IL1RAPL2: variants seen among roughly 807,000 people sequenced by gnomAD.
IL1RAPL2 encodes interleukin 1 receptor accessory protein like 2.
A neutral mutation model predicts 44.1 loss-of-function variants in IL1RAPL2; 3 were observed. The ratio of observed to expected loss-of-function variants is 0.07; its 90% CI spans 0.03 to 0.18. The LOEUF (loss-of-function observed/expected upper bound fraction) is 0.18. Among genes scored for constraint, IL1RAPL2 ranks in the 10% least tolerant of loss-of-function variants. The pLI is 1.00. For synonymous variants in IL1RAPL2, 181 were observed against 178.8 expected (o/e 1.01, Z -0.10); for missense variants, 391 against 496.4 (o/e 0.79, Z 2.02).
intron 2 of IL1RAPL2, among the ~76,000 whole-genome samples, chrX:104,894,548 A>C (rs995254164): frequency 2.7e-5 from 3 of 111,495 alleles, no homozygotes; most frequent in African/African-American, 9.8e-5. Flanking sequence ...ATCTTCCATC[A>C]CTGATATCTT....
chrX:105,689,417 C>A (rs971478033), intron 6 of IL1RAPL2, among the ~76,000 whole-genome samples: 9 of 112,113 alleles, frequency 8.0e-5, no homozygotes, highest in African/African-American at 2.9e-4. Flanking sequence ...AGGATATGAA[C>A]AGACACTTCT....
intron 2 of IL1RAPL2, among the ~76,000 whole-genome samples, chrX:104,965,545 C>T (rs2030102789): frequency 1.8e-5 from 2 of 111,064 alleles, no homozygotes; most frequent in Admixed American, 9.6e-5. Flanking sequence ...CATAGAGCCC[C>T]CATGAACATA....
chrX:104,944,117 A>G (rs933958227), intron 2 of IL1RAPL2, among the ~76,000 whole-genome samples: 3 of 111,449 alleles, frequency 2.7e-5, no homozygotes, highest in African/African-American at 9.8e-5. Context: ...GACAATCACC[A>G]AGTAGCTGTT....
At chrX:105,473,034 C>A (rs962456045) in intron 5 of IL1RAPL2, among the ~76,000 whole-genome samples, 9 of 111,324 alleles carry the variant, frequency 8.1e-5, no homozygotes, top group Non-Finnish European at 1.5e-4. Flanking sequence ...ATTTCCTCAA[C>A]CACAACAACA....
chrX:105,059,504 G>C (rs1380544048), intron 2 of IL1RAPL2, among the ~76,000 whole-genome samples: 1 of 111,978 alleles, frequency 8.9e-6, no homozygotes, highest in East Asian at 2.8e-4. Context: ...AGATGTACCA[G>C]ATGTGCCAAA....
chrX:105,217,256 A>G (rs1335573625), intron 3 of IL1RAPL2, among the ~76,000 whole-genome samples: 6 of 111,289 alleles, frequency 5.4e-5, no homozygotes, highest in African/African-American at 1.6e-4. Flanking sequence ...CAAATTTACA[A>G]GAAAAAAACA....
intron 2 of IL1RAPL2, among the ~76,000 whole-genome samples, chrX:105,023,187 G>A (rs1238066998): frequency 9.1e-6 from 1 of 110,250 alleles, no homozygotes; most frequent in Non-Finnish European, 1.9e-5. Flanking sequence ...AATTTTAGTT[G>A]CTTTGTATCA....
intron 2 of IL1RAPL2, among the ~76,000 whole-genome samples, chrX:105,049,440 G>A (rs2031889121): frequency 9.0e-6 from 1 of 111,171 alleles, no homozygotes; most frequent in African/African-American, 3.3e-5. Context: ...TTCTAACTTG[G>A]TATTTGCAAG....
chrX:105,378,927 A>G (rs2035408316), intron 5 of IL1RAPL2, among the ~76,000 whole-genome samples: 1 of 112,054 alleles, frequency 8.9e-6, no homozygotes, highest in Non-Finnish European at 1.9e-5. Context: ...GTCAAGAGTG[A>G]GGCCACTGGT....
intron 5 of IL1RAPL2, among the ~76,000 whole-genome samples, chrX:105,468,348 C>T (rs2036144616): frequency 9.0e-6 from 1 of 111,518 alleles, no homozygotes; most frequent in African/African-American, 3.3e-5. Flanking sequence ...GCAAGGGAGG[C>T]TGGCAAATGT....
intron 1 of IL1RAPL2, among the ~76,000 whole-genome samples, chrX:104,602,556 G>A (rs1928906228): frequency 9.0e-6 from 1 of 111,668 alleles, no homozygotes; most frequent in Non-Finnish European, 1.9e-5. Context: ...CCCTCACGGA[G>A]CCCAGCAAAC....
At chrX:105,317,570 A>G (rs925650864) in intron 5 of IL1RAPL2, among the ~76,000 whole-genome samples, 4 of 111,831 alleles carry the variant, frequency 3.6e-5, no homozygotes, top group African/African-American at 1.3e-4. Context: ...AGAGCTAAAC[A>G]TAATCCAGAT....
intron 2 of IL1RAPL2, among the ~76,000 whole-genome samples, chrX:105,093,715 A>G (rs951930257): frequency 1.8e-5 from 2 of 111,714 alleles, no homozygotes; most frequent in Non-Finnish European, 3.8e-5. Flanking sequence ...GAGGAGAAGG[A>G]GTGCAAAATT....
At chrX:105,334,869 A>C (rs1245893204) in intron 5 of IL1RAPL2, among the ~76,000 whole-genome samples, 2 of 111,065 alleles carry the variant, frequency 1.8e-5, no homozygotes, top group African/African-American at 6.5e-5. Flanking sequence ...CATCCTTCAC[A>C]CATAAAAAAC....
intron 5 of IL1RAPL2, among the ~76,000 whole-genome samples, chrX:105,417,395 C>G (rs1317369955): frequency 8.9e-6 from 1 of 112,461 alleles, no homozygotes; most frequent in East Asian, 2.8e-4. Context: ...ATCACTTCAA[C>G]TAGGGAGGCA....
At chrX:105,261,935 C>T (rs184386754) in intron 4 of IL1RAPL2, among the ~76,000 whole-genome samples, 1 of 111,879 alleles carries the variant, frequency 8.9e-6, no homozygotes, top group African/African-American at 3.2e-5. Flanking sequence ...CTCTCCCACC[C>T]ACTACTTGAG....
intron 2 of IL1RAPL2, among the ~76,000 whole-genome samples, chrX:104,892,056 G>A (rs895689806): frequency 4.5e-5 from 5 of 111,848 alleles, no homozygotes; most frequent in Middle Eastern, 9.1e-3. Flanking sequence ...AGATAATCAT[G>A]TGGTTTTCGT....
chrX:104,570,186 G>C (rs1928118592), intron 1 of IL1RAPL2, among the ~76,000 whole-genome samples: 1 of 112,091 alleles, frequency 8.9e-6, no homozygotes, highest in Non-Finnish European at 1.9e-5. Context: ...GTTTCTAGCT[G>C]TAGTCAGAAA....
chrX:105,069,725 G>A (rs1361109336), intron 2 of IL1RAPL2, among the ~76,000 whole-genome samples: 2 of 112,282 alleles, frequency 1.8e-5, no homozygotes, highest in African/African-American at 6.5e-5. Context: ...TCCAACAGGA[G>A]TTGAATTATC....
Sources: allele counts gnomAD v4.1 joint callset (sites outside exome capture counted in the v4.1 genomes callset), GRCh38; gene constraint gnomAD v4.1.1; transcripts MANE v1.5; gene names NCBI Gene and HGNC (gene_info 2026-07-23, HGNC 2026-07-21).